The following CDH18 variants were observed in gnomAD, a reference collection of about 807,000 sequenced individuals.
CDH18 encodes the protein cadherin-18.
CDH18 carries 31 observed loss-of-function variants against 67.9 expected under a neutral mutation model. That is an observed-to-expected ratio of 0.46 (90% confidence interval 0.34 to 0.62). The LOEUF is 0.62. Ranked by LOEUF, CDH18 falls within the 20% of genes least tolerant of loss-of-function variation. The probability of loss-of-function intolerance (pLI) is 0.01; values close to 1 mark genes in which losing one functional copy is unlikely to be tolerated. For missense variants in CDH18, 890 were observed against 975.5 expected (o/e 0.91, Z 1.17); for synonymous variants, 362 against 347.2 (o/e 1.04, Z -0.48).
chr5:19,828,834 C>T (rs576263620), intron 3 of CDH18, among the ~76,000 whole-genome samples: 2 of 152,024 alleles, frequency 1.3e-5, no homozygotes, highest in African/African-American at 4.8e-5. Context: ...GTCAGGAGTT[C>T]GAGACCAGCC....
In CDH18 at chr5:19,841,199, T is replaced by C. The variant is rs1204517026; in HGVS notation, c.-256-1957A>G. On this transcript the variant is annotated intron_variant, in intron 2 of 12. Coordinates refer to ENST00000382275, the MANE Select transcript of CDH18 (RefSeq NM_004934.5). ...GTAATTGGAATTTCACTTTTATCAT[T>C]TGACAAATATAAAATTTATGTTTTC... 2.6e-5 allele frequency among the ~76,000 whole-genome samples: 4 copies of C among 152,174 alleles called. No homozygotes were observed. The East Asian group carries it at 7.7e-4, about 29-fold the overall frequency.
At chr5:19,524,679 G>T (rs962286694) in intron 9 of CDH18, among the ~76,000 whole-genome samples, 1 of 152,030 alleles carries the variant, frequency 6.6e-6, no homozygotes, top group African/African-American at 2.4e-5. Flanking sequence ...AAAATCTGGG[G>T]TAAGAATAAT....
At chr5:19,950,948 T>C (rs1438571876) in intron 2 of CDH18, among the ~76,000 whole-genome samples, 1 of 152,190 alleles carries the variant, frequency 6.6e-6, no homozygotes, top group Non-Finnish European at 1.5e-5. Flanking sequence ...AGGATACTTC[T>C]CCTTCACTTA....
chr5:19,837,785 A>C (rs1278443239), intron 3 of CDH18, among the ~76,000 whole-genome samples: 1 of 133,622 alleles, frequency 7.5e-6, no homozygotes, highest in Non-Finnish European at 1.6e-5. Flanking sequence ...TAACAGTGCT[A>C]AAGTGAGAAT....
chr5:19,863,421 T>C (rs1785114270), intron 2 of CDH18, among the ~76,000 whole-genome samples: 1 of 152,174 alleles, frequency 6.6e-6, no homozygotes. Flanking sequence ...TCCCAAATAC[T>C]GGCAATCTCT....
chr5:19,580,911 A>C (rs570826622), intron 7 of CDH18, among the ~76,000 whole-genome samples: 1 of 151,948 alleles, frequency 6.6e-6, no homozygotes, highest in Non-Finnish European at 1.5e-5. Context: ...GAATATAATA[A>C]ATTCACCATT....
At chr5:19,962,231 T>C (rs1796976323) in intron 2 of CDH18, among the ~76,000 whole-genome samples, 1 of 151,724 alleles carries the variant, frequency 6.6e-6, no homozygotes, top group African/African-American at 2.4e-5. Flanking sequence ...TTCTCATATT[T>C]TACATGAGTA....
intron 1 of CDH18, among the ~76,000 whole-genome samples, chr5:19,987,304 T>C (rs1799663705): frequency 6.7e-6 from 1 of 149,464 alleles, no homozygotes; most frequent in Non-Finnish European, 1.5e-5. Flanking sequence ...AAGGCATAAT[T>C]TACCTTGTTT....
chr5:20,149,141 T>G (rs529350668), intron 2 of CDH18, among the ~76,000 whole-genome samples: 1 of 152,324 alleles, frequency 6.6e-6, no homozygotes, highest in South Asian at 2.1e-4. Flanking sequence ...TTCTGACTTA[T>G]TTCCAGAACA....
chr5:20,378,576 A>G (rs1360615001), intron 1 of CDH18, among the ~76,000 whole-genome samples: 3 of 152,188 alleles, frequency 2.0e-5, no homozygotes, highest in African/African-American at 7.2e-5. Context: ...ATTGATGTGT[A>G]TAATGATAAC....
intron 2 of CDH18, among the ~76,000 whole-genome samples, chr5:20,052,465 T>C (rs900047614): frequency 6.6e-6 from 1 of 152,074 alleles, no homozygotes; most frequent in Non-Finnish European, 1.5e-5. Context: ...CTAAATATAA[T>C]GAAGTTCATT....
chr5:20,521,903 C>A (rs968927238), intron 1 of CDH18, among the ~76,000 whole-genome samples: 1 of 151,938 alleles, frequency 6.6e-6, no homozygotes, highest in Non-Finnish European at 1.5e-5. Flanking sequence ...AAACCCTCTT[C>A]GAATATTTCA....
chr5:20,058,967 T>A (rs1470126002), intron 2 of CDH18, among the ~76,000 whole-genome samples: 1 of 152,144 alleles, frequency 6.6e-6, no homozygotes, highest in Non-Finnish European at 1.5e-5. Context: ...AGCTATTAAT[T>A]ACTGCCTCAA....
chr5:20,270,278 A>G (rs1193979340), intron 1 of CDH18, among the ~76,000 whole-genome samples: 1 of 152,164 alleles, frequency 6.6e-6, no homozygotes, highest in Non-Finnish European at 1.5e-5. Context: ...ATTAGAATAT[A>G]AACAATATTT....
rs1490728747 is a variant in CDH18 at position 19,706,383 on chromosome 5, C to T, written c.643+14964G>A. Reference sequence around the variant, plus strand: ...CCATGTTAATGCCTCTGGTCTCAAACGCAGATACAGCATTACCTGGAAAAA... The same window carrying T: ...CCATGTTAATGCCTCTGGTCTCAAATGCAGATACAGCATTACCTGGAAAAA... On this transcript the variant is annotated intron_variant, in intron 5 of 12. Transcript: ENST00000382275. 2.0e-5 allele frequency among the ~76,000 whole-genome samples: 3 copies of T among 152,302 alleles called. No homozygotes were observed. The East Asian group carries it at 5.8e-4, about 29-fold the overall frequency.
intron 1 of CDH18, among the ~76,000 whole-genome samples, chr5:20,417,565 A>C (rs1747418508): frequency 6.6e-6 from 1 of 152,176 alleles, no homozygotes; most frequent in Non-Finnish European, 1.5e-5. Flanking sequence ...GTTCAAGTGT[A>C]TGTAGTAATC....
chr5:19,721,984 TTTTA>T (rs1368210244), intron 4 of CDH18, among the ~76,000 whole-genome samples: 1 of 152,200 alleles, frequency 6.6e-6, no homozygotes, highest in East Asian at 1.9e-4. Flanking sequence ...TACACATTCT[TTTTA>T]TTTATTACCT....
At chr5:20,076,824 T>C (rs1394462736) in intron 2 of CDH18, among the ~76,000 whole-genome samples, 1 of 152,224 alleles carries the variant, frequency 6.6e-6, no homozygotes, top group Non-Finnish European at 1.5e-5. Flanking sequence ...AACCTTTTGA[T>C]ATAAATTTAT....
intron 2 of CDH18, among the ~76,000 whole-genome samples, chr5:20,107,238 G>A (rs548149685): frequency 6.6e-6 from 1 of 151,962 alleles, no homozygotes; most frequent in South Asian, 2.1e-4. Flanking sequence ...CCTCCATCAC[G>A]CCCGGCTATT....
Sources: allele counts gnomAD v4.1 joint callset (sites outside exome capture counted in the v4.1 genomes callset), GRCh38; gene constraint gnomAD v4.1.1; transcripts MANE v1.5; gene names NCBI Gene and HGNC (gene_info 2026-07-23, HGNC 2026-07-21).